PEX5L: variants seen among roughly 807,000 people sequenced by gnomAD.
The protein encoded by PEX5L is peroxisomal biogenesis factor 5 like.
Under a neutral mutation model 84.0 loss-of-function variants are expected in PEX5L, and 30 were observed. The ratio of observed to expected loss-of-function variants is 0.36; its 90% CI spans 0.27 to 0.48. The LOEUF is 0.48. PEX5L is among the 20% of genes least tolerant of loss of function. The probability of loss-of-function intolerance (pLI) is 0.99; values close to 1 mark genes in which losing one functional copy is unlikely to be tolerated. For synonymous variants in PEX5L, 270 were observed against 283.1 expected, an observed-to-expected ratio of 0.95 and a Z score of 0.46; for missense variants, 533 against 754.6, an observed-to-expected ratio of 0.71 and a Z score of 3.44.
intron 2 of PEX5L, among the ~76,000 whole-genome samples, chr3:179,909,568 C>T (rs1006460571): frequency 1.4e-4 from 21 of 152,120 alleles, no homozygotes; most frequent in African/African-American, 5.1e-4. Context: ...TAATAACAAA[C>T]CAGTTTCTAA....
intron 2 of PEX5L, among the ~76,000 whole-genome samples, chr3:179,946,703 T>C (rs571552178): frequency 8.5e-5 from 13 of 152,202 alleles, no homozygotes; most frequent in Non-Finnish European, 1.8e-4. Context: ...AAGGCATCAG[T>C]ATTTGGAAAA....
intron 1 of PEX5L, among the ~76,000 whole-genome samples, chr3:179,978,625 T>C (rs1391405878): frequency 6.6e-6 from 1 of 152,230 alleles, no homozygotes. Flanking sequence ...TTTTATTTTA[T>C]CTAATTTACT....
chr3:179,855,733 A>G (rs1743687358), intron 8 of PEX5L, among the ~76,000 whole-genome samples: 1 of 152,144 alleles, frequency 6.6e-6, no homozygotes, highest in Non-Finnish European at 1.5e-5. Context: ...GCCCTTACAC[A>G]AGAGGCCTGA....
chr3:180,010,541 G>A (rs536574198), intron 1 of PEX5L, among the ~76,000 whole-genome samples: 1 of 152,090 alleles, frequency 6.6e-6, no homozygotes, highest in South Asian at 2.1e-4. Context: ...AATTACCACT[G>A]AGAAAATGTA....
chr3:179,902,173 A>C (rs1180880328), intron 2 of PEX5L: 1 of 152,670 alleles, frequency 6.6e-6, no homozygotes, highest in East Asian at 1.9e-4. Flanking sequence ...AGTTGAGGAC[A>C]CCAAAGCCCA....
At chr3:179,888,753 TTTTTG>T (rs1241807756) in intron 3 of PEX5L, among the ~76,000 whole-genome samples, 3 of 151,792 alleles carry the variant, frequency 2.0e-5, no homozygotes, top group Non-Finnish European at 2.9e-5. Flanking sequence ...TCTTTAGGTT[TTTTTG>T]TTTTGTTTTG....
intron 1 of PEX5L, among the ~76,000 whole-genome samples, chr3:180,028,239 C>A (rs1045590459): frequency 6.6e-6 from 1 of 152,122 alleles, no homozygotes; most frequent in Non-Finnish European, 1.5e-5. Context: ...CTTCATCATT[C>A]TTTCTATGCT....
At chr3:179,906,645 A>C (rs1049835960) in intron 2 of PEX5L, among the ~76,000 whole-genome samples, 2 of 152,190 alleles carry the variant, frequency 1.3e-5, no homozygotes, top group African/African-American at 4.8e-5. Context: ...ATGTAATACC[A>C]ATTAAAGGGT....
intron 13 of PEX5L, 100 bp from the exon 14 acceptor site, chr3:179,807,931 A>C: frequency 9.1e-7 from 1 of 1,096,434 alleles, no homozygotes; most frequent in Non-Finnish European, 1.3e-6. Flanking sequence ...CTAAAAATTT[A>C]TGCAGTGCTC....
chr3:179,973,687 T>C (rs1199794997), intron 1 of PEX5L: 1 of 985,300 alleles, frequency 1.0e-6, no homozygotes, highest in African/African-American at 1.7e-5. Context: ...CATTCGAAAC[T>C]GCAACTTCTA....
At chr3:179,993,043 C>T (rs968621084) in intron 1 of PEX5L, among the ~76,000 whole-genome samples, 1 of 151,788 alleles carries the variant, frequency 6.6e-6, no homozygotes, top group Non-Finnish European at 1.5e-5. Flanking sequence ...AACTCCCCCC[C>T]GTTATTACAA....
intron 2 of PEX5L, among the ~76,000 whole-genome samples, chr3:179,910,931 A>C (rs1335673609): frequency 1.3e-5 from 2 of 152,228 alleles, no homozygotes; most frequent in African/African-American, 2.4e-5. Context: ...TACACGTATG[A>C]AGTTTGCTCT....
intron 8 of PEX5L, among the ~76,000 whole-genome samples, chr3:179,835,761 C>T (rs1734717157): frequency 6.6e-6 from 1 of 152,046 alleles, no homozygotes; most frequent in Non-Finnish European, 1.5e-5. Context: ...CTCCAAAGAG[C>T]CCATTAACTG....
chr3:179,981,039 A>T (rs1786281572), intron 1 of PEX5L, among the ~76,000 whole-genome samples: 2 of 143,954 alleles, frequency 1.4e-5, no homozygotes, highest in South Asian at 2.2e-4. Flanking sequence ...AAAAAAAAAA[A>T]ATTAAAACAG....
intron 2 of PEX5L, among the ~76,000 whole-genome samples, chr3:179,933,631 T>C (rs940618961): frequency 6.6e-6 from 1 of 152,210 alleles, no homozygotes; most frequent in African/African-American, 2.4e-5. Context: ...AAATCTTTAC[T>C]TTTCCTCTTC....
intron 2 of PEX5L, among the ~76,000 whole-genome samples, chr3:179,963,992 T>G (rs1397339544): frequency 6.6e-6 from 1 of 152,196 alleles, no homozygotes; most frequent in Non-Finnish European, 1.5e-5. Flanking sequence ...GGGGTACATG[T>G]ACAGGTTTGT....
intron 8 of PEX5L, among the ~76,000 whole-genome samples, chr3:179,830,373 G>A (rs73058628): frequency 0.017 from 2,358 of 140,372 alleles, 55 homozygotes; most frequent in African/African-American, 0.059. Context: ...CTTATCTTAC[G>A]AGGCTATTGG....
At chr3:179,997,373 T>C (rs6778485) in intron 1 of PEX5L, among the ~76,000 whole-genome samples, 1 of 152,140 alleles carries the variant, frequency 6.6e-6, no homozygotes. Flanking sequence ...CTGACTCATC[T>C]TGTGGTCATT....
intron 7 of PEX5L, among the ~76,000 whole-genome samples, chr3:179,870,651 T>C (rs1749984973): frequency 6.6e-6 from 1 of 152,190 alleles, no homozygotes; most frequent in South Asian, 2.1e-4. Flanking sequence ...AGTACCATCA[T>C]TCCCTACTTC....
Sources: allele counts gnomAD v4.1 joint callset (sites outside exome capture counted in the v4.1 genomes callset), GRCh38; gene constraint gnomAD v4.1.1; transcripts MANE v1.5; gene names NCBI Gene and HGNC (gene_info 2026-07-23, HGNC 2026-07-21).